Variants in ZBTB40 observed in about 807,000 individuals in gnomAD.
The protein encoded by ZBTB40 is zinc finger and BTB domain-containing protein 40.
In ZBTB40, 60 loss-of-function variants were observed where a neutral mutation model predicts 117.5. The observed-to-expected ratio is 0.51, with a 90% CI of 0.41 to 0.63. ZBTB40 has a LOEUF of 0.63. Among genes scored for constraint, ZBTB40 ranks in the 30% least tolerant of loss-of-function variants. The probability of loss-of-function intolerance (pLI) is 0.00; values close to 1 mark genes in which losing one functional copy is unlikely to be tolerated. For synonymous variants in ZBTB40, 525 were observed against 577.1 expected (o/e 0.91, Z 1.29); for missense variants, 1,287 against 1,498.5 (o/e 0.86, Z 2.33).
At chr1:22,460,539 C>G (rs1385269766) in intron 1 of ZBTB40, among the ~76,000 whole-genome samples, 1 of 152,102 alleles carries the variant, frequency 6.6e-6, no homozygotes, top group African/African-American at 2.4e-5. Flanking sequence ...CTCACAACAA[C>G]TAAGCAATAG....
chr1:22,435,779 A>T (rs1396859844), intron 1 of ZBTB40, among the ~76,000 whole-genome samples: 1 of 152,224 alleles, frequency 6.6e-6, no homozygotes, highest in Non-Finnish European at 1.5e-5. Flanking sequence ...AATATTCATA[A>T]TACAGACTGA....
chr1:22,440,106 T>C (rs900918781), intron 1 of ZBTB40, among the ~76,000 whole-genome samples: 1 of 152,240 alleles, frequency 6.6e-6, no homozygotes, highest in African/African-American at 2.4e-5. Context: ...GTTTTTGTAA[T>C]TTCCTTTTCA....
At chr1:22,497,189 TCTA>T (rs1161006816) in intron 3 of ZBTB40, among the ~76,000 whole-genome samples, 1 of 152,256 alleles carries the variant, frequency 6.6e-6, no homozygotes, top group African/African-American at 2.4e-5. Context: ...AGATAATTTT[TCTA>T]CTATTGATTT....
At chr1:22,435,207 C>G (rs1640654603) in intron 1 of ZBTB40, among the ~76,000 whole-genome samples, 1 of 151,980 alleles carries the variant, frequency 6.6e-6, no homozygotes, top group African/African-American at 2.4e-5. Flanking sequence ...CACTATGTTG[C>G]CCAGGCTGGT....
chr1:22,497,226 A>T (rs1412355347), intron 3 of ZBTB40, among the ~76,000 whole-genome samples: 1 of 152,156 alleles, frequency 6.6e-6, no homozygotes, highest in Non-Finnish European at 1.5e-5. Context: ...TCCACTCTTC[A>T]CCTAAAAATC....
chr1:22,464,227 C>A (rs2124393650), intron 1 of ZBTB40, among the ~76,000 whole-genome samples: 1 of 152,376 alleles, frequency 6.6e-6, no homozygotes, highest in Admixed American at 6.5e-5. Context: ...GGATCACACA[C>A]TTTGTAATTG....
At chr1:22,456,955 C>T (rs1198973814) in intron 1 of ZBTB40, among the ~76,000 whole-genome samples, 1 of 152,212 alleles carries the variant, frequency 6.6e-6, no homozygotes, top group Non-Finnish European at 1.5e-5. Flanking sequence ...GTTCCTCAGA[C>T]TTAACGAAGG....
At chr1:22,468,717 T>G (rs193267706) in intron 1 of ZBTB40, among the ~76,000 whole-genome samples, 4 of 146,642 alleles carry the variant, frequency 2.7e-5, no homozygotes, top group South Asian at 4.5e-4. Flanking sequence ...TAAGCTGATC[T>G]CGAACTCCTG....
At position 22,531,052 on chromosome 1, in the gene ZBTB40, T is replaced by C. The variant is rs1215618461; in HGVS notation, c.*4656T>C. The C allele has an allele frequency of 6.6e-6, 1 of 152,174 alleles. No individual in the cohort carries two copies. Among genetic ancestry groups the C allele is most frequent in the Non-Finnish European group, 1.5e-5 (1 of 68,026 alleles). The allele number at this position is 152,174 out of a possible 1,614,324, so 9.4% of individuals were successfully genotyped here. ...CTTTATTATAAAATGGGGAAAATGA[T>C]TGTGCTTGCCCTACAGAATTGTAGT... is the stretch of plus-strand genomic sequence containing the variant. On this transcript the variant is annotated 3_prime_UTR_variant, in exon 18 of 18. Transcript: ENST00000375647.
At chr1:22,450,812 G>C (rs529267963), upstream of ZBTB40, among the ~76,000 whole-genome samples, 185 of 152,228 alleles carry the variant, frequency 1.2e-3, 1 homozygote, top group African/African-American at 4.4e-3. Flanking sequence ...ACAGCTCTCA[G>C]AACGACTGAA....
rs1332172856 is a variant in ZBTB40 at position 22,508,613 on chromosome 1, C to G, written c.1581C>G (p.Leu527=). ...LISAVLEKQT[L]SATAIWQLLL... ...CAGCAGTTCTAGAAAAGCAGACTCT[C>G]TCTGCCACAGCCATTTGGCAACTGC... The change falls in exon 8 of 18, where the codon CTC becomes CTG. Residue 527 remains leucine (L), a synonymous_variant. Transcript: ENST00000375647. 2 of 1,614,242 alleles carry G rather than the reference C, an allele frequency of 1.2e-6. No individual in the cohort carries two copies. Among genetic ancestry groups the G allele is most frequent in the East Asian group, 4.5e-5 (2 of 44,884 alleles).
chr1:22,445,142 TCTC>T (rs1264511981), intron 1 of ZBTB40, among the ~76,000 whole-genome samples: 1 of 152,154 alleles, frequency 6.6e-6, no homozygotes, highest in Non-Finnish European at 1.5e-5. Flanking sequence ...GGGGAGATCA[TCTC>T]CTGCCCTGCT....
At chr1:22,521,791 C>G in intron 15 of ZBTB40, 133 bp downstream of exon 15, 1 of 1,326,802 alleles carries the variant, frequency 7.5e-7, no homozygotes, top group South Asian at 1.2e-5. Flanking sequence ...TGCCCCAGCG[C>G]ACCTGTCCGT....
At chr1:22,507,969 C>T (rs1445966739) in intron 6 of ZBTB40, 32 bp from the exon 7 acceptor site, 1 of 1,614,014 alleles carries the variant, frequency 6.2e-7, no homozygotes, top group Non-Finnish European at 8.5e-7. Context: ...TTTGTTGCAT[C>T]AAACATTATT....
intron 1 of ZBTB40, among the ~76,000 whole-genome samples, chr1:22,478,520 T>G (rs559197840): frequency 6.6e-6 from 1 of 152,342 alleles, no homozygotes; most frequent in East Asian, 1.9e-4. Flanking sequence ...GTGCTGGGAT[T>G]AAGGCGTGAG....
chr1:22,429,436 A>AC (rs1313799457), intron 1 of ZBTB40, among the ~76,000 whole-genome samples: 3 of 152,046 alleles, frequency 2.0e-5, no homozygotes, highest in Non-Finnish European at 4.4e-5. Context: ...GCATTTGCCT[A>AC]CATTTTTTTT....
chr1:22,485,839 A>T (rs963914341), intron 1 of ZBTB40, among the ~76,000 whole-genome samples: 2 of 152,040 alleles, frequency 1.3e-5, no homozygotes, highest in African/African-American at 4.8e-5. Flanking sequence ...TGAGCTCATC[A>T]AAGGCAGTCT....
At chr1:22,500,771 T>A (rs1342713109) in intron 3 of ZBTB40, among the ~76,000 whole-genome samples, 1 of 152,192 alleles carries the variant, frequency 6.6e-6, no homozygotes, top group East Asian at 1.9e-4. Context: ...AACATGTGAG[T>A]CATATGTTCT....
chr1:22,526,626 C>G lies in ZBTB40; in HGVS notation c.*230C>G. 1.8e-6 allele frequency: 1 copy of G among 557,226 alleles called. No individual in the cohort carries two copies. The highest frequency in any genetic ancestry group is 3.3e-6 in the Non-Finnish European group (1 of 307,576). The allele number at this position is 557,226 out of a possible 1,614,324, so 34.5% of individuals were successfully genotyped here. On this transcript the variant is annotated 3_prime_UTR_variant, in exon 18 of 18. Transcript: ENST00000375647. Reference sequence around the variant, plus strand: ...CATCCTCTGTAGCAGACAGGCCTCCCTCCCCACAGGCCCGCTGCTGCGGCC... The same window carrying G: ...CATCCTCTGTAGCAGACAGGCCTCCGTCCCCACAGGCCCGCTGCTGCGGCC...
Sources: gnomAD v4.1 joint callset for allele counts (sites outside exome capture counted in the v4.1 genomes callset) on GRCh38, gnomAD v4.1.1 for gene constraint, MANE v1.5 for transcripts, NCBI Gene and HGNC (gene_info 2026-07-23, HGNC 2026-07-21) for gene names.